Variants in JAKMIP3 observed in about 807,000 individuals in gnomAD.
The protein encoded by JAKMIP3 is Janus kinase and microtubule interacting protein 3.
JAKMIP3 carries 58 observed loss-of-function variants against 118.5 expected under a neutral mutation model. The ratio of observed to expected loss-of-function variants is 0.49; its 90% CI spans 0.40 to 0.61. JAKMIP3 has a LOEUF of 0.61. Among genes scored for constraint, JAKMIP3 ranks in the 20% least tolerant of loss-of-function variants. JAKMIP3 has a pLI of 0.00. For synonymous variants in JAKMIP3, 486 were observed against 451.2 expected (o/e 1.08, Z -0.98); for missense variants, 950 against 1,109.0 (o/e 0.86, Z 2.04).
Position 132,180,684 on chromosome 10 carries a change from TGTGTGTGC to T in JAKMIP3, c.*1104-1669_*1104-1662del, listed in dbSNP as rs1278448402. Among the ~76,000 whole-genome samples the T allele has an allele frequency of 7.7e-4, 13 of 16,820 alleles. 3 individuals carry two copies. Among genetic ancestry groups the T allele is most frequent in the African/African-American group, 2.6e-3 (11 of 4,198 alleles). 11.0% of individuals were successfully genotyped at this position (16,820 alleles called of 152,430 possible). ...GTGTGTGCGTGTGTGTGCGCGCGCGTGTGTGTGCGTGCGTGTGTGTGTGCGCGTGTGTG... is the reference window on the plus strand; with the variant it reads ...GTGTGTGCGTGTGTGTGCGCGCGCGTGTGCGTGTGTGTGTGCGCGTGTGTG... On this transcript the variant is annotated intron_variant, in intron 23 of 23. Coordinates refer to ENST00000684848, the MANE Select transcript of JAKMIP3 (RefSeq NM_001323087.2).
chr10:132,159,313 A>G (rs2057543793), intron 19 of JAKMIP3, among the ~76,000 whole-genome samples: 1 of 102,810 alleles, frequency 9.7e-6, no homozygotes, highest in Admixed American at 1.5e-4. Context: ...TCCCTGTGTG[A>G]TGCTGAGGGC....
At chr10:132,124,628 C>T (rs2135501742) in intron 3 of JAKMIP3, among the ~76,000 whole-genome samples, 1 of 151,666 alleles carries the variant, frequency 6.6e-6, no homozygotes, top group South Asian at 2.1e-4. Context: ...CTGTGCTACA[C>T]ATGTCCATTG....
chr10:132,162,136 G>A (rs2058417151), intron 19 of JAKMIP3, among the ~76,000 whole-genome samples: 1 of 152,124 alleles, frequency 6.6e-6, no homozygotes, highest in African/African-American at 2.4e-5. Context: ...GCTTCTGGGA[G>A]ACACTGGGGC....
At chr10:132,099,524 G>A (rs2044493461) in intron 1 of JAKMIP3, among the ~76,000 whole-genome samples, 1 of 152,210 alleles carries the variant, frequency 6.6e-6, no homozygotes, top group South Asian at 2.1e-4. Flanking sequence ...GCCCACTGGG[G>A]AACCCTGTGC....
In JAKMIP3 at chr10:132,112,652, C is replaced by G. The variant is rs1298570159; in HGVS notation, c.136-4425C>G. Among the ~76,000 whole-genome samples the G allele has an allele frequency of 6.6e-6, 1 of 152,188 alleles. No homozygotes were observed. The highest frequency in any genetic ancestry group is 1.5e-5 in the Non-Finnish European group (1 of 68,020). On this transcript the variant is annotated intron_variant, in intron 2 of 23. Coordinates refer to ENST00000684848, the MANE Select transcript of JAKMIP3 (RefSeq NM_001323087.2). The surrounding 1 kb of genome is among the most constrained non-coding windows in gnomAD (Gnocchi z 4.3). ...TCCCCTGGGGACTGTCTGCTTATTA[C>G]TGTGGGTACCTGAATGTTCTGAGCC...
At chr10:132,141,036 C>T (rs1257582808) in intron 10 of JAKMIP3, among the ~76,000 whole-genome samples, 2 of 152,204 alleles carry the variant, frequency 1.3e-5, no homozygotes, top group South Asian at 2.1e-4. Context: ...TGTGTCTGCC[C>T]ACCAGCCCCT....
chr10:132,043,941 A>G (rs566559040), intron 1 of JAKMIP3, among the ~76,000 whole-genome samples: 6 of 152,318 alleles, frequency 3.9e-5, no homozygotes, highest in South Asian at 4.1e-4. Context: ...ATGAGATTCA[A>G]GATCTTTCCT....
chr10:132,095,511 G>A (rs1377966277), intron 1 of JAKMIP3, among the ~76,000 whole-genome samples: 1 of 152,184 alleles, frequency 6.6e-6, no homozygotes, highest in Non-Finnish European at 1.5e-5. Context: ...GTTTGGGGGT[G>A]AACGGTCCTC....
At chr10:132,124,323 C>T (rs557999816) in intron 3 of JAKMIP3, among the ~76,000 whole-genome samples, 30 of 152,108 alleles carry the variant, frequency 2.0e-4, no homozygotes, top group African/African-American at 7.0e-4. Flanking sequence ...ACCAGCCGGC[C>T]GCGCCATACA....
intron 1 of JAKMIP3, among the ~76,000 whole-genome samples, chr10:132,101,828 A>G (rs2044974550): frequency 6.6e-6 from 1 of 151,996 alleles, no homozygotes; most frequent in South Asian, 2.1e-4. Context: ...AGTTTACCAG[A>G]GCAGTCACCT....
At position 132,154,845 on chromosome 10, in the gene JAKMIP3, C is replaced by CGGT. The variant is rs142442795; in HGVS notation, c.2220+866_2220+868dup. ...GCAATGGCAATGGTGATGGTGGTGG[C>CGGT]GGTGGTGGTGGTGATGGTGGTGATA... On this transcript the variant is annotated intron_variant, in intron 19 of 23. Transcript: ENST00000684848. 8.8e-3 allele frequency among the ~76,000 whole-genome samples: 928 copies of CGGT among 105,048 alleles called. 3 individuals are homozygous for CGGT. The highest frequency in any genetic ancestry group is 0.016 in the Admixed American group (160 of 10,090). The allele number at this position is 105,048 out of a possible 152,430, so 68.9% of individuals were successfully genotyped here.
At chr10:132,046,271 A>G (rs893180614) in intron 1 of JAKMIP3, among the ~76,000 whole-genome samples, 1 of 152,058 alleles carries the variant, frequency 6.6e-6, no homozygotes, top group East Asian at 1.9e-4. Context: ...TGGCTAACAC[A>G]GTGAAACCCC....
At chr10:132,159,572 GTC>G (rs2057656890) in intron 19 of JAKMIP3, among the ~76,000 whole-genome samples, 1 of 36,524 alleles carries the variant, frequency 2.7e-5, no homozygotes, top group Non-Finnish European at 5.5e-5. Flanking sequence ...GGGGGGGCGT[GTC>G]TCCCTGTGTG....
At position 132,117,349 on chromosome 10, in the gene JAKMIP3, G is replaced by C. The variant is rs1330705391; in HGVS notation, c.408G>C (p.Leu136=). 4.3e-6 allele frequency: 7 copies of C among 1,613,898 alleles called. No homozygotes were observed. The highest frequency in any genetic ancestry group is 5.1e-6 in the Non-Finnish European group (6 of 1,179,908). ...GGPEKVKTVL[L]SEAKEEAKKG... is the part of the protein sequence containing the mutation. ...CCGAAAAGGTCAAGACCGTGCTGCT[G>C]TCCGAGGCCAAGGAGGAGGCCAAGA... Residue 136 remains leucine, a synonymous_variant, in exon 3 of 24, where the codon CTG becomes CTC. Transcript: ENST00000684848. The surrounding 1 kb of genome is among the most constrained non-coding windows in gnomAD (Gnocchi z 8.6).
intron 2 of JAKMIP3, among the ~76,000 whole-genome samples, chr10:132,109,339 TA>T (rs1243495552): frequency 6.6e-6 from 1 of 151,890 alleles, no homozygotes; most frequent in East Asian, 1.9e-4. Flanking sequence ...CATTTGAGGT[TA>T]AAAAAAGATT....
chr10:132,108,887 A>G (rs1028173206), intron 2 of JAKMIP3, among the ~76,000 whole-genome samples: 2 of 138,330 alleles, frequency 1.4e-5, no homozygotes, highest in Admixed American at 1.4e-4. Context: ...ACACAAATGT[A>G]TATATAAATT....
rs1401652251 is a variant in JAKMIP3 at position 132,168,696 on chromosome 10, G to A, written c.*766G>A. On this transcript the variant is annotated 3_prime_UTR_variant, in exon 23 of 24. Transcript: ENST00000684848. ...CAAGCCGCCAGCTGGGAGCACCGCG[G>A]GACTGAGCCAAGGAAGGCGTGGGGA... is the stretch of plus-strand genomic sequence containing the variant. The A allele has an allele frequency of 9.7e-6, 3 of 309,946 alleles. No individual in the cohort carries two copies. Among genetic ancestry groups the A allele is most frequent in the Non-Finnish European group, 1.9e-5 (3 of 160,312 alleles). The allele number at this position is 309,946 out of a possible 1,614,324, so 19.2% of individuals were successfully genotyped here.
chr10:132,156,435 T>C (rs114282917), intron 19 of JAKMIP3, among the ~76,000 whole-genome samples: 3,045 of 152,290 alleles, frequency 0.02, 122 homozygotes, highest in African/African-American at 0.07. Context: ...TCAGCCTAGC[T>C]GGCAGGCATC....
Position 132,127,443 on chromosome 10 carries a change from C to T in JAKMIP3, c.634-5869C>T, listed in dbSNP as rs796947823. Among the ~76,000 whole-genome samples the T allele has an allele frequency of 1.2e-4, 18 of 150,816 alleles. 1 individual carries two copies. The highest frequency in any genetic ancestry group is 1.7e-4 in the African/African-American group (7 of 40,878). ...GCGTGTGTGTGTGTTTTAGTAGAGA[C>T]GGGGTTTCACCATGTTGGCCAGGCT... On this transcript the variant is annotated intron_variant, in intron 3 of 23. Coordinates refer to ENST00000684848, the MANE Select transcript of JAKMIP3 (RefSeq NM_001323087.2).
Sources: allele counts gnomAD v4.1 joint callset (sites outside exome capture counted in the v4.1 genomes callset), GRCh38; gene constraint gnomAD v4.1.1; non-coding constraint Gnocchi (gnomAD v3.1); transcripts MANE v1.5; gene names NCBI Gene and HGNC (gene_info 2026-07-23, HGNC 2026-07-21).